Variants in ZMPSTE24 observed in about 807,000 individuals in gnomAD.
ZMPSTE24 encodes zinc metallopeptidase STE24, also known as CAAX prenyl protease 1 homolog.
Under a neutral mutation model 56.7 loss-of-function variants are expected in ZMPSTE24, and 48 were observed. The observed-to-expected ratio is 0.85, with a 90% CI of 0.67 to 1.08. ZMPSTE24 has a LOEUF of 1.08. Ranked by LOEUF, ZMPSTE24 falls within the 50% of genes least tolerant of loss-of-function variation. The probability of loss-of-function intolerance (pLI) is 0.00; values close to 1 mark genes in which losing one functional copy is unlikely to be tolerated. For synonymous variants in ZMPSTE24, 172 were observed against 195.2 expected, an observed-to-expected ratio of 0.88 and a Z score of 0.99; for missense variants, 503 against 548.7, an observed-to-expected ratio of 0.92 and a Z score of 0.83.
At chr1:40,279,012 GTGTC>G (rs1389987870) in intron 6 of ZMPSTE24, among the ~76,000 whole-genome samples, 23 of 152,184 alleles carry the variant, frequency 1.5e-4, no homozygotes, top group Admixed American at 1.5e-3. Context: ...ATGGTGGTAT[GTGTC>G]TGTAGTCCTA....
chr1:40,268,625 T>G, intron 4 of ZMPSTE24, 90 bp downstream of exon 4: 1 of 859,730 alleles, frequency 1.2e-6, no homozygotes, highest in East Asian at 2.6e-5. Flanking sequence ...CATAATTTAC[T>G]ATTTCAGAGT....
At chr1:40,290,626 A>G in intron 8 of ZMPSTE24, 2 of 404,460 alleles carry the variant, frequency 4.9e-6, no homozygotes, top group Non-Finnish European at 9.2e-6. Context: ...ACGTCCGGCT[A>G]ATTTTTTCTG....
chr1:40,269,919 T>C (rs1643596461), intron 4 of ZMPSTE24, 56 bp from the exon 5 acceptor site: 2 of 1,566,844 alleles, frequency 1.3e-6, no homozygotes, highest in Admixed American at 4.2e-5. Context: ...TTATCAGTTA[T>C]TTTAAAAAGC....
intron 6 of ZMPSTE24, among the ~76,000 whole-genome samples, chr1:40,272,645 A>C (rs1474678207): frequency 4.6e-5 from 7 of 152,148 alleles, no homozygotes; most frequent in Non-Finnish European, 8.8e-5. Context: ...TCCCATTAAC[A>C]CCCAGTCTAT....
At chr1:40,285,852 G>A in intron 7 of ZMPSTE24, 73 bp from the exon 8 acceptor site, 6 of 1,147,894 alleles carry the variant, frequency 5.2e-6, no homozygotes, top group Non-Finnish European at 7.6e-6. Context: ...ATCTATGAAG[G>A]GCTATTACTG....
rs1172541341 is a variant in ZMPSTE24, at chr1:40,292,799, T to C, written c.*130T>C. On this transcript the variant is annotated 3_prime_UTR_variant, in exon 10 of 10. Transcript: ENST00000372759. The stretch of plus-strand genomic sequence containing the variant: ...ACAGAAAAGCCCAGATTTAAATACA[T>C]TTAATATGTCATTTTAAAAATGATT... 4.4e-6 allele frequency: 3 copies of C among 676,806 alleles called. No homozygotes were observed. Among genetic ancestry groups the C allele is most frequent in the Non-Finnish European group, 5.0e-6 (2 of 401,030 alleles). The allele number at this position is 676,806 out of a possible 1,614,324, so 41.9% of individuals were successfully genotyped here.
At chr1:40,264,623 C>T (rs1389321163) in intron 2 of ZMPSTE24, among the ~76,000 whole-genome samples, 1 of 152,030 alleles carries the variant, frequency 6.6e-6, no homozygotes, top group East Asian at 1.9e-4. Flanking sequence ...ATCCTGTAAT[C>T]ATAGCACTTC....
At chr1:40,266,146 A>C (rs1336902497) in intron 2 of ZMPSTE24, among the ~76,000 whole-genome samples, 1 of 152,246 alleles carries the variant, frequency 6.6e-6, no homozygotes, top group Non-Finnish European at 1.5e-5. Context: ...CTTTAAAAGC[A>C]TACATAAATC....
intron 8 of ZMPSTE24, among the ~76,000 whole-genome samples, chr1:40,288,705 A>G (rs1044230008): frequency 2.6e-5 from 4 of 152,182 alleles, no homozygotes; most frequent in African/African-American, 9.7e-5. Context: ...TTGGGTGAAC[A>G]TTAACATTAG....
intron 1 of ZMPSTE24, 77 bp downstream of exon 1, chr1:40,258,471 CTT>C: frequency 6.2e-7 from 1 of 1,607,074 alleles, no homozygotes; most frequent in Non-Finnish European, 8.5e-7. Flanking sequence ...CCCTGAGACT[CTT>C]GATTGCTTCG....
intron 6 of ZMPSTE24, among the ~76,000 whole-genome samples, chr1:40,274,731 C>A (rs1442495096): frequency 6.6e-6 from 1 of 152,116 alleles, no homozygotes; most frequent in Non-Finnish European, 1.5e-5. Flanking sequence ...TTTAAAATAT[C>A]CTGGGCTACT....
rs1017303316 is a variant in ZMPSTE24, at chr1:40,292,757, T to A, written c.*88T>A. On this transcript the variant is annotated 3_prime_UTR_variant, in exon 10 of 10. Transcript: ENST00000372759. ...CTCTTGATGTTTTTAAACTTTTTTTTAGAAGAAAAATTAAGTACAGAAAAG... is the reference window on the plus strand; with the variant it reads ...CTCTTGATGTTTTTAAACTTTTTTTAAGAAGAAAAATTAAGTACAGAAAAG... 1 of 1,284,922 alleles carries A rather than the reference T, an allele frequency of 7.8e-7. No homozygotes were observed. The highest frequency in any genetic ancestry group is 1.1e-6 in the Non-Finnish European group (1 of 903,764). 79.6% of individuals were successfully genotyped at this position (1,284,922 alleles called of 1,614,324 possible). A position where few individuals can be genotyped will look rare whatever the true frequency, so the allele number is the denominator to read the frequency against.
intron 5 of ZMPSTE24, 40 bp downstream of exon 5, chr1:40,270,167 C>A: frequency 6.2e-7 from 1 of 1,606,234 alleles, no homozygotes; most frequent in Non-Finnish European, 8.5e-7. Context: ...TGCAAAAGTT[C>A]CTTGGTGAGA....
intron 2 of ZMPSTE24, among the ~76,000 whole-genome samples, chr1:40,265,677 C>CA (rs1295199554): frequency 6.6e-6 from 1 of 152,152 alleles, no homozygotes; most frequent in African/African-American, 2.4e-5. Flanking sequence ...GCCTGAGTGA[C>CA]AGAGTGAGAC....
chr1:40,283,696 C>T (rs1020008811), intron 7 of ZMPSTE24, among the ~76,000 whole-genome samples: 3 of 151,986 alleles, frequency 2.0e-5, no homozygotes, highest in Non-Finnish European at 4.4e-5. Flanking sequence ...ATGCATTAGG[C>T]CCTTTTATTC....
At chr1:40,267,749 C>G in intron 2 of ZMPSTE24, 37 bp from the exon 3 acceptor site, 1 of 1,412,440 alleles carries the variant, frequency 7.1e-7, no homozygotes, top group Non-Finnish European at 1.0e-6. Context: ...GTTTCTAGTA[C>G]TGTTCAACTG....
At chr1:40,273,537 A>AAAAAT (rs1224234676) in intron 6 of ZMPSTE24, among the ~76,000 whole-genome samples, 3 of 12,386 alleles carry the variant, frequency 2.4e-4, no homozygotes, top group Non-Finnish European at 5.9e-4. Flanking sequence ...AAAAAAAAAA[A>AAAAAT]ATATATATAT....
chr1:40,263,273 A>G (rs1352910327), intron 2 of ZMPSTE24, among the ~76,000 whole-genome samples: 1 of 152,240 alleles, frequency 6.6e-6, no homozygotes, highest in Non-Finnish European at 1.5e-5. Context: ...GGTTGGGAAC[A>G]GTAATAGTTA....
chr1:40,266,202 G>A (rs902870027), intron 2 of ZMPSTE24, among the ~76,000 whole-genome samples: 1 of 152,074 alleles, frequency 6.6e-6, no homozygotes, highest in African/African-American at 2.4e-5. Context: ...AATTAGATTG[G>A]AAGGGTACCC....
Sources: gnomAD v4.1 joint callset for allele counts (sites outside exome capture counted in the v4.1 genomes callset) on GRCh38, gnomAD v4.1.1 for gene constraint, MANE v1.5 for transcripts, NCBI Gene and HGNC (gene_info 2026-07-23, HGNC 2026-07-21) for gene names.